Variants in SGCG observed in about 807,000 individuals in gnomAD.
SGCG encodes sarcoglycan gamma.
Under a neutral mutation model 29.3 loss-of-function variants are expected in SGCG, and 26 were observed. The observed-to-expected ratio is 0.89, with a 90% CI of 0.65 to 1.23. SGCG has a LOEUF of 1.23. Among genes scored for constraint, SGCG ranks in the 50% most tolerant of loss-of-function variants. SGCG has a pLI of 0.00. For synonymous variants in SGCG, 145 were observed against 129.7 expected, an observed-to-expected ratio of 1.12 and a Z score of -0.80; for missense variants, 353 against 356.0, an observed-to-expected ratio of 0.99 and a Z score of 0.07.
At chr13:23,277,821 C>T (rs1881145717) in intron 4 of SGCG, among the ~76,000 whole-genome samples, 1 of 151,622 alleles carries the variant, frequency 6.6e-6, no homozygotes, top group South Asian at 2.1e-4. Context: ...GCCTCAGCCT[C>T]CCGAGTAGTT....
chr13:23,190,603 C>T (rs1302986216), intron 1 of SGCG, among the ~76,000 whole-genome samples: 1 of 152,046 alleles, frequency 6.6e-6, no homozygotes, highest in Non-Finnish European at 1.5e-5. Context: ...TATGTCCGGC[C>T]GTAATAAAAT....
chr13:23,166,754 C>T, the SGCG span, among the ~76,000 whole-genome samples: 3,144 of 152,076 alleles, frequency 0.021, 97 homozygotes, highest in African/African-American at 0.072. Flanking sequence ...TGTGTCATCA[C>T]AGAAAAACCT....
intron 2 of SGCG, among the ~76,000 whole-genome samples, chr13:23,212,327 A>G (rs1878256679): frequency 6.6e-6 from 1 of 152,094 alleles, no homozygotes; most frequent in Admixed American, 6.5e-5. Context: ...CTGGTCTAAG[A>G]CAGGATCCTC....
intron 4 of SGCG, among the ~76,000 whole-genome samples, chr13:23,254,326 C>T (rs1048941024): frequency 6.6e-6 from 1 of 152,104 alleles, no homozygotes; most frequent in African/African-American, 2.4e-5. Context: ...GAATAAACAT[C>T]ACCTGTGTAA....
At chr13:23,307,689 A>G (rs1882409252) in intron 6 of SGCG, among the ~76,000 whole-genome samples, 1 of 152,180 alleles carries the variant, frequency 6.6e-6, no homozygotes, top group East Asian at 1.9e-4. Flanking sequence ...AATATAGGGC[A>G]ATAATATTAA....
intron 4 of SGCG, among the ~76,000 whole-genome samples, chr13:23,275,120 AAT>A (rs55873099): frequency 3.7e-4 from 48 of 129,874 alleles, no homozygotes; most frequent in East Asian, 9.4e-4. Flanking sequence ...TAATGGATGG[AAT>A]ATATATATAT....
At chr13:23,166,844 C>T in the SGCG span, among the ~76,000 whole-genome samples, 21 of 152,290 alleles carry the variant, frequency 1.4e-4, no homozygotes, top group Middle Eastern at 0.01. Flanking sequence ...ACAGGCATGC[C>T]ATGTGAGAGA....
chr13:23,210,500 G>A (rs541148664), intron 2 of SGCG, among the ~76,000 whole-genome samples: 1 of 152,182 alleles, frequency 6.6e-6, no homozygotes, highest in African/African-American at 2.4e-5. Flanking sequence ...GACCATCCTG[G>A]TTAACACAGT....
chr13:23,300,100 A>G (rs1882093582), intron 6 of SGCG, among the ~76,000 whole-genome samples: 2 of 152,226 alleles, frequency 1.3e-5, no homozygotes, highest in Non-Finnish European at 2.9e-5. Context: ...TCTGTGTAAC[A>G]CCATAAGGAT....
rs752935362 is a variant in SGCG, at chr13:23,203,667, C to A, written c.1-28C>A. 22 of 1,573,904 alleles carry A rather than the reference C, an allele frequency of 1.4e-5. No individual in the cohort carries two copies. The South Asian group carries it at 2.5e-4, about 18-fold the overall frequency. On this transcript the variant is annotated intron_variant, in intron 1 of 7. Transcript: ENST00000218867. ...TCATTCCCTCTCTGTCTCTTTCTCT[C>A]TCCTCTCGTGAACACACTCCGTGGC...
intron 6 of SGCG, among the ~76,000 whole-genome samples, chr13:23,310,076 CTCTTTTTTTTT>C (rs1882509197): frequency 1.0e-5 from 1 of 99,394 alleles, no homozygotes; most frequent in Non-Finnish European, 2.1e-5. Flanking sequence ...CCTTGTTTTT[CTCTTTTTTTTT>C]TTTTTTTTTT....
intron 4 of SGCG, among the ~76,000 whole-genome samples, chr13:23,259,188 T>A (rs1240745110): frequency 6.6e-6 from 1 of 152,202 alleles, no homozygotes; most frequent in Non-Finnish European, 1.5e-5. Context: ...TTTTTTTGGT[T>A]GGTAGGCTAT....
intron 1 of SGCG, among the ~76,000 whole-genome samples, chr13:23,199,516 T>G (rs892155310): frequency 6.6e-6 from 1 of 152,218 alleles, no homozygotes; most frequent in Admixed American, 6.5e-5. Context: ...AAATTTAATA[T>G]AGTGTCTAAT....
intron 4 of SGCG, among the ~76,000 whole-genome samples, chr13:23,272,846 A>G (rs549071827): frequency 1.3e-5 from 2 of 152,196 alleles, no homozygotes; most frequent in East Asian, 1.9e-4. Flanking sequence ...AGCAATCACT[A>G]TTTCCCTGTG....
chr13:23,168,280 A>G, the SGCG span, among the ~76,000 whole-genome samples: 1 of 152,158 alleles, frequency 6.6e-6, no homozygotes, highest in Non-Finnish European at 1.5e-5. Context: ...GATCCTATTT[A>G]TTCCCTTAAT....
chr13:23,301,685 G>C (rs1436230794), intron 6 of SGCG, among the ~76,000 whole-genome samples: 1 of 152,138 alleles, frequency 6.6e-6, no homozygotes, highest in Non-Finnish European at 1.5e-5. Flanking sequence ...TCGGGAGTTT[G>C]AGACCAGCCT....
intron 1 of SGCG, 66 bp from the exon 2 acceptor site, chr13:23,203,629 C>A: frequency 8.5e-7 from 1 of 1,178,814 alleles, no homozygotes; most frequent in Non-Finnish European, 1.2e-6. Flanking sequence ...CAGTATTAAA[C>A]AAGTTGCCTC....
At chr13:23,180,502 C>T (rs908364787), upstream of SGCG, among the ~76,000 whole-genome samples, 1 of 152,128 alleles carries the variant, frequency 6.6e-6, no homozygotes. Context: ...TAAAGAGTCA[C>T]TGTTACATGG....
chr13:23,194,246 A>G (rs1348753361), intron 1 of SGCG, among the ~76,000 whole-genome samples: 1 of 152,180 alleles, frequency 6.6e-6, no homozygotes, highest in African/African-American at 2.4e-5. Flanking sequence ...AATAGTTGCA[A>G]GCATTCCTTA....
Sources: gnomAD v4.1 joint callset for allele counts (sites outside exome capture counted in the v4.1 genomes callset) on GRCh38, gnomAD v4.1.1 for gene constraint, MANE v1.5 for transcripts, NCBI Gene and HGNC (gene_info 2026-07-23, HGNC 2026-07-21) for gene names.